Variants in CCDC141 observed in about 807,000 individuals in gnomAD.
The protein encoded by CCDC141 is coiled-coil domain containing 141.
CCDC141 carries 168 observed loss-of-function variants against 181.0 expected under a neutral mutation model. The ratio of observed to expected loss-of-function variants is 0.93; its 90% CI spans 0.82 to 1.05. CCDC141 has a LOEUF of 1.05. Ranked by LOEUF, CCDC141 falls within the 50% of genes least tolerant of loss-of-function variation. The probability of loss-of-function intolerance (pLI) is 0.00; values close to 1 mark genes in which losing one functional copy is unlikely to be tolerated. For missense variants in CCDC141, 1,902 were observed against 1,788.5 expected (o/e 1.06, Z -1.14); for synonymous variants, 666 against 642.3 (o/e 1.04, Z -0.56).
chr2:178,904,230 G>A (rs1687850216), intron 8 of CCDC141, among the ~76,000 whole-genome samples: 1 of 152,218 alleles, frequency 6.6e-6, no homozygotes, highest in Non-Finnish European at 1.5e-5. Context: ...TCAAAGGGGA[G>A]AATCCCTTGT....
In CCDC141 at chr2:178,919,013, T is replaced by C. The variant is rs1257926647; in HGVS notation, c.898-106A>G. ...TGAAATCTAACCCCCAAGGTGATGA[T>C]ATTAGGAAGTAGGGCTTTGGGAGAT... On this transcript the variant is annotated intron_variant, in intron 6 of 23. Coordinates refer to ENST00000443758, the MANE Select transcript of CCDC141 (RefSeq NM_173648.4). The C allele has an allele frequency of 2.4e-5, 25 of 1,022,346 alleles. No individual in the cohort carries two copies. The South Asian group carries it at 2.5e-4, about 10-fold the overall frequency. The allele number at this position is 1,022,346 out of a possible 1,614,324, so 63.3% of individuals were successfully genotyped here. A position where few individuals can be genotyped will look rare whatever the true frequency, so the allele number is the denominator to read the frequency against.
At chr2:179,044,265 T>G (rs2043410115) in intron 2 of CCDC141, among the ~76,000 whole-genome samples, 1 of 152,146 alleles carries the variant, frequency 6.6e-6, no homozygotes, top group African/African-American at 2.4e-5. Context: ...CTATTCCCAT[T>G]AAACTACCAT....
intron 19 of CCDC141, among the ~76,000 whole-genome samples, chr2:178,854,298 G>A (rs951894789): frequency 6.6e-6 from 1 of 152,190 alleles, no homozygotes; most frequent in African/African-American, 2.4e-5. Flanking sequence ...GCCGAGGCAG[G>A]CGGATCACGA....
Position 178,831,008 on chromosome 2 carries a change from A to C in CCDC141, c.*3165T>G, listed in dbSNP as rs952372155. The C allele has an allele frequency of 1.3e-5, 2 of 152,140 alleles. No individual in the cohort carries two copies. The highest frequency in any genetic ancestry group is 2.9e-5 in the Non-Finnish European group (2 of 68,022). The allele number at this position is 152,140 out of a possible 1,614,324, so 9.4% of individuals were successfully genotyped here. ...AAAGGGTCTATGAACTACTTGAGGA[A>C]ATTTAAATTTGAGCAAAGCAGTTAG... On this transcript the variant is annotated 3_prime_UTR_variant, in exon 24 of 24. Transcript: ENST00000443758.
chr2:179,037,190 G>T (rs2043168524), intron 2 of CCDC141, among the ~76,000 whole-genome samples: 1 of 152,192 alleles, frequency 6.6e-6, no homozygotes, highest in African/African-American at 2.4e-5. Flanking sequence ...AGCCCTTGAG[G>T]CTTCCCCAGT....
At chr2:179,015,227 A>C (rs1341189400) in intron 2 of CCDC141, among the ~76,000 whole-genome samples, 2 of 35,746 alleles carry the variant, frequency 5.6e-5, no homozygotes, top group East Asian at 2.3e-3. Context: ...TCTCATATAT[A>C]CCTCATATAT....
intron 16 of CCDC141, among the ~76,000 whole-genome samples, chr2:178,866,185 T>C (rs886314519): frequency 1.3e-5 from 2 of 152,204 alleles, no homozygotes; most frequent in African/African-American, 4.8e-5. Flanking sequence ...CCATTCATTA[T>C]AGGGTATAAT....
At chr2:179,022,297 A>C (rs1204069487) in intron 2 of CCDC141, among the ~76,000 whole-genome samples, 1 of 152,206 alleles carries the variant, frequency 6.6e-6, no homozygotes, top group African/African-American at 2.4e-5. Context: ...CCATGCTTGA[A>C]TAAAATACAA....
chr2:178,937,942 C>A (rs752415739), intron 6 of CCDC141, among the ~76,000 whole-genome samples: 1 of 151,942 alleles, frequency 6.6e-6, no homozygotes, highest in Non-Finnish European at 1.5e-5. Context: ...TTATTTGGAT[C>A]TTCTCTCTTT....
At chr2:178,971,673 A>G (rs1690894893) in intron 4 of CCDC141, among the ~76,000 whole-genome samples, 2 of 152,192 alleles carry the variant, frequency 1.3e-5, no homozygotes, top group Admixed American at 1.3e-4. Context: ...AACCAACCCA[A>G]ATGTCCATCA....
chr2:178,866,341 A>G (rs534329831), intron 16 of CCDC141, among the ~76,000 whole-genome samples: 43 of 152,378 alleles, frequency 2.8e-4, no homozygotes, highest in African/African-American at 1.0e-3. Context: ...GGCCAAGGCC[A>G]GAAGAGGATT....
intron 2 of CCDC141, among the ~76,000 whole-genome samples, chr2:179,045,655 A>G (rs978848705): frequency 3.3e-5 from 5 of 151,602 alleles, no homozygotes; most frequent in Admixed American, 1.3e-4. Context: ...CTATTTCTCC[A>G]CATCCTCTCC....
intron 17 of CCDC141, among the ~76,000 whole-genome samples, chr2:178,857,945 CTTA>C (rs1465227318): frequency 6.6e-6 from 1 of 152,160 alleles, no homozygotes; most frequent in Non-Finnish European, 1.5e-5. Context: ...AAGCCTTTAT[CTTA>C]TCTGTAACAC....
chr2:179,000,395 T>A (rs1349506078), intron 2 of CCDC141, among the ~76,000 whole-genome samples: 1 of 152,102 alleles, frequency 6.6e-6, no homozygotes, highest in Non-Finnish European at 1.5e-5. Flanking sequence ...ACTCACAGAG[T>A]AATATGATTC....
intron 8 of CCDC141, among the ~76,000 whole-genome samples, chr2:178,899,558 G>A (rs1287690785): frequency 6.6e-6 from 1 of 152,108 alleles, no homozygotes; most frequent in Non-Finnish European, 1.5e-5. Flanking sequence ...TAAATGTCAT[G>A]GCATTGTTTT....
rs1481785840 is a variant in CCDC141, at chr2:178,842,424, C to G, written c.3474+3202G>C. Among the ~76,000 whole-genome samples the G allele has an allele frequency of 6.6e-5, 10 of 152,332 alleles. No individual in the cohort carries two copies. The East Asian group carries it at 1.7e-3, about 26-fold the overall frequency. ...AATTAGCTTTTAATTAATACTAAAT[C>G]TATTAGCTTCAAGTCTTATCTCTGT... is the stretch of plus-strand genomic sequence containing the variant. On this transcript the variant is annotated intron_variant, in intron 22 of 23. Coordinates refer to ENST00000443758, the MANE Select transcript of CCDC141 (RefSeq NM_173648.4).
At chr2:178,903,852 C>T (rs1165990448) in intron 8 of CCDC141, among the ~76,000 whole-genome samples, 1 of 151,830 alleles carries the variant, frequency 6.6e-6, no homozygotes, top group Non-Finnish European at 1.5e-5. Flanking sequence ...AGAGAAATAA[C>T]ATCTGTCTGT....
chr2:178,945,951 A>C (rs949936967), intron 5 of CCDC141, among the ~76,000 whole-genome samples: 7 of 152,060 alleles, frequency 4.6e-5, no homozygotes, highest in African/African-American at 1.7e-4. Context: ...CTATGCGATC[A>C]AAAGGTCTAC....
intron 5 of CCDC141, among the ~76,000 whole-genome samples, chr2:178,957,282 CT>C (rs1690202621): frequency 1.3e-5 from 2 of 152,180 alleles, no homozygotes; most frequent in Non-Finnish European, 2.9e-5. Context: ...ATGTTTTGCA[CT>C]TATTTCATTT....
Sources: gnomAD v4.1 joint callset for allele counts (sites outside exome capture counted in the v4.1 genomes callset) on GRCh38, gnomAD v4.1.1 for gene constraint, MANE v1.5 for transcripts, NCBI Gene and HGNC (gene_info 2026-07-23, HGNC 2026-07-21) for gene names.